LRP12: variants seen among roughly 807,000 people sequenced by gnomAD.
The protein encoded by LRP12 is low-density lipoprotein receptor-related protein 12.
In LRP12, 14 loss-of-function variants were observed where a neutral mutation model predicts 66.0. The ratio of observed to expected loss-of-function variants is 0.21; its 90% CI spans 0.14 to 0.33. The LOEUF (loss-of-function observed/expected upper bound fraction) is 0.33, where lower values mean the gene tolerates loss of function less well. LRP12 is among the 10% of genes least tolerant of loss of function. The pLI is 1.00. For synonymous variants in LRP12, 357 were observed against 359.1 expected (o/e 0.99, Z 0.07); for missense variants, 889 against 1,053.4 (o/e 0.84, Z 2.16).
rs183617234 is a variant in LRP12 at position 104,495,247 on chromosome 8, G to A, written c.1581-38C>T. ...ATGGAAAGAAAAATGATTAAAAGGG[G>A]GAGCGAAGAAAAAGAACAATTTTCT... is the stretch of plus-strand genomic sequence containing the variant. On this transcript the variant is annotated intron_variant, in intron 5 of 6. Transcript: ENST00000276654. The A allele has an allele frequency of 3.0e-4, 471 of 1,585,366 alleles. 3 individuals carry two copies. The African/African-American group carries it at 5.6e-3, about 19-fold the overall frequency.
At chr8:104,578,098 A>T (rs993306474) in intron 1 of LRP12, among the ~76,000 whole-genome samples, 1 of 152,114 alleles carries the variant, frequency 6.6e-6, no homozygotes, top group Non-Finnish European at 1.5e-5. Flanking sequence ...TCAAAACATC[A>T]ACAAATCCAG....
chr8:104,536,134 G>A (rs1010869083), intron 1 of LRP12, among the ~76,000 whole-genome samples: 3 of 151,984 alleles, frequency 2.0e-5, no homozygotes, highest in Admixed American at 2.0e-4. Context: ...GGCTTGCCAA[G>A]CTCTCCACAG....
At chr8:104,525,697 G>C (rs1045506269) in intron 2 of LRP12, among the ~76,000 whole-genome samples, 7 of 151,880 alleles carry the variant, frequency 4.6e-5, no homozygotes, top group Non-Finnish European at 7.4e-5. Context: ...TATTATATAA[G>C]AGCTATGACA....
chr8:104,500,854 A>G (rs1810819142), intron 3 of LRP12, among the ~76,000 whole-genome samples: 1 of 152,172 alleles, frequency 6.6e-6, no homozygotes, highest in Admixed American at 6.5e-5. Flanking sequence ...TCTGACAGAC[A>G]CTGGAAAAAC....
chr8:104,511,030 C>CTTTTTTTTTTTTT (rs11350393), intron 2 of LRP12, among the ~76,000 whole-genome samples: 1 of 54,324 alleles, frequency 1.8e-5, no homozygotes, highest in Non-Finnish European at 3.2e-5. Context: ...GGAAAAATGA[C>CTTTTTTTTTTTTT]TTTTTTTTTT....
chr8:104,493,351 G>A lies in LRP12; in HGVS notation c.1713+1726C>T, dbSNP rs557387256. On this transcript the variant is annotated intron_variant, in intron 6 of 6. Coordinates refer to ENST00000276654, the MANE Select transcript of LRP12 (RefSeq NM_013437.5). Reference sequence around the variant, plus strand: ...TTGAGAGTTTTTAATCTCATTAAATGAATACAATCTAACTTACCACCCATA... The same window carrying A: ...TTGAGAGTTTTTAATCTCATTAAATAAATACAATCTAACTTACCACCCATA... 5.3e-4 allele frequency among the ~76,000 whole-genome samples: 81 copies of A among 152,242 alleles called. 4 individuals are homozygous for A. The South Asian group carries it at 0.017, about 31-fold the overall frequency.
At chr8:104,523,776 T>C (rs754942699) in intron 2 of LRP12, among the ~76,000 whole-genome samples, 9 of 152,200 alleles carry the variant, frequency 5.9e-5, no homozygotes, top group Non-Finnish European at 1.0e-4. Context: ...AATTGCTTGA[T>C]ATGTACTGTA....
In LRP12 at chr8:104,492,848, TA is replaced by T. The variant is rs532270334; in HGVS notation, c.1714-1310del. 3.0e-3 allele frequency among the ~76,000 whole-genome samples: 437 copies of T among 144,000 alleles called. 1 individual carries two copies. The highest frequency in any genetic ancestry group is 5.0e-3 in the Non-Finnish European group (328 of 65,076). The allele number at this position is 144,000 out of a possible 152,430, so 94.5% of individuals were successfully genotyped here. A position where few individuals can be genotyped will look rare whatever the true frequency, so the allele number is the denominator to read the frequency against. Reference sequence around the variant, plus strand: ...AATTAAGAAGTACCTAACTACAAATTAAAAAAAAAAAGAAAAAGAAAAAGCG... The same window carrying T: ...AATTAAGAAGTACCTAACTACAAATTAAAAAAAAAAGAAAAAGAAAAAGCG... On this transcript the variant is annotated intron_variant, in intron 6 of 6. Transcript: ENST00000276654.
chr8:104,518,605 C>G (rs59313468), intron 2 of LRP12, among the ~76,000 whole-genome samples: 1 of 152,112 alleles, frequency 6.6e-6, no homozygotes, highest in Non-Finnish European at 1.5e-5. Context: ...TATAATAACA[C>G]AGAGAAAATA....
chr8:104,522,897 G>C (rs1811173238), intron 2 of LRP12, among the ~76,000 whole-genome samples: 1 of 151,982 alleles, frequency 6.6e-6, no homozygotes, highest in South Asian at 2.1e-4. Context: ...GACTTTAATG[G>C]AAACATAATA....
rs1178453470 is a variant in LRP12, at chr8:104,489,335, A to G, written c.*1338T>C. ...CTCCTGACAGCATTAACACAGACAA[A>G]TACACAAGACTTCAAACATGCTTTA... On this transcript the variant is annotated 3_prime_UTR_variant, in exon 7 of 7. Transcript: ENST00000276654. The G allele has an allele frequency of 6.6e-6, 1 of 152,580 alleles. No homozygotes were observed. The highest frequency in any genetic ancestry group is 2.4e-5 in the African/African-American group (1 of 41,456). The allele number at this position is 152,580 out of a possible 1,614,324, so 9.5% of individuals were successfully genotyped here. A position where few individuals can be genotyped will look rare whatever the true frequency, so the allele number is the denominator to read the frequency against.
intron 1 of LRP12, among the ~76,000 whole-genome samples, chr8:104,546,366 A>T (rs1197976968): frequency 3.3e-5 from 5 of 152,134 alleles, no homozygotes; most frequent in Admixed American, 2.6e-4. Flanking sequence ...CATTTCCATA[A>T]CCCAAAAAAG....
rs537552133 is a variant in LRP12, at chr8:104,581,743, C to CA, written c.79+7075dup. Among the ~76,000 whole-genome samples, 277 of 146,154 alleles carry CA rather than the reference C, an allele frequency of 1.9e-3. 1 individual carries two copies. The highest frequency in any genetic ancestry group is 3.8e-3 in the African/African-American group (151 of 39,830). On this transcript the variant is annotated intron_variant, in intron 1 of 6. Transcript: ENST00000276654. Reference sequence around the variant, plus strand: ...TTGGTGGCTGTTACAATAATGTAGACAAAAAAAAAATAATGGGCCTCTACA... The same window carrying CA: ...TTGGTGGCTGTTACAATAATGTAGACAAAAAAAAAAATAATGGGCCTCTACA...
At chr8:104,522,803 G>C (rs991759209) in intron 2 of LRP12, among the ~76,000 whole-genome samples, 5 of 151,862 alleles carry the variant, frequency 3.3e-5, no homozygotes, top group African/African-American at 1.2e-4. Flanking sequence ...TATTCTTTGC[G>C]ATGTTACAAC....
intron 1 of LRP12, among the ~76,000 whole-genome samples, chr8:104,545,389 C>T (rs1811539671): frequency 6.6e-6 from 1 of 152,004 alleles, no homozygotes; most frequent in Admixed American, 6.5e-5. Flanking sequence ...AAAGACTGAC[C>T]CCTATTTTGA....
chr8:104,548,628 T>TAGA (rs539629139), intron 1 of LRP12, among the ~76,000 whole-genome samples: 1,567 of 109,168 alleles, frequency 0.014, 43 homozygotes, highest in Middle Eastern at 0.022. Context: ...ATTATATAAT[T>TAGA]ATTATATAAT....
chr8:104,547,462 CTGTTA>C (rs977532824), intron 1 of LRP12, among the ~76,000 whole-genome samples: 14 of 131,440 alleles, frequency 1.1e-4, no homozygotes, highest in Non-Finnish European at 1.5e-4. Context: ...ATATATAATT[CTGTTA>C]TATTTTGTAT....
Position 104,496,989 on chromosome 8 carries a change from CA to C in LRP12, c.1562del (p.Leu521ArgfsTer21). 1 of 1,526,292 alleles carries C rather than the reference CA, an allele frequency of 6.6e-7. No homozygotes were observed. Among genetic ancestry groups the C allele is most frequent in the Non-Finnish European group, 8.8e-7 (1 of 1,137,748 alleles). The allele number at this position is 1,526,292 out of a possible 1,614,324, so 94.5% of individuals were successfully genotyped here. A position where few individuals can be genotyped will look rare whatever the true frequency, so the allele number is the denominator to read the frequency against. On this transcript the variant is annotated frameshift_variant, in exon 5 of 7. Coordinates refer to ENST00000276654, the MANE Select transcript of LRP12 (RefSeq NM_013437.5). LOFTEE classifies it high-confidence loss of function. ...ALGCTCKLYSLRMFERRSFET... is the reference protein window; with the variant it reads ...ALGCTCKLYSXRMFERRSFET... ...ATACTGACCTTCTTTCAAACATTCT[CA>C]GAGAATAAAGCTTACAAGTACATCC...
chr8:104,542,994 A>AATATAAATATATATATATAT (rs544043214), intron 1 of LRP12, among the ~76,000 whole-genome samples: 8 of 144,110 alleles, frequency 5.6e-5, no homozygotes, highest in African/African-American at 1.6e-4. Flanking sequence ...AACACACACA[A>AATATAAATATATATATATAT]ATATATATAT....
Sources: gnomAD v4.1 joint callset for allele counts (sites outside exome capture counted in the v4.1 genomes callset) on GRCh38, gnomAD v4.1.1 for gene constraint, MANE v1.5 for transcripts, NCBI Gene and HGNC (gene_info 2026-07-23, HGNC 2026-07-21) for gene names.